NELL2: variants seen among roughly 807,000 people sequenced by gnomAD.
The protein encoded by NELL2 is neural EGFL like 2.
Under a neutral mutation model 109.6 loss-of-function variants are expected in NELL2, and 41 were observed. The ratio of observed to expected loss-of-function variants is 0.37; its 90% CI spans 0.29 to 0.49. The LOEUF is 0.49. Among genes scored for constraint, NELL2 ranks in the 20% least tolerant of loss-of-function variants. NELL2 has a pLI of 0.98. For synonymous variants in NELL2, 355 were observed against 344.7 expected (o/e 1.03, Z -0.33); for missense variants, 900 against 1,008.3 (o/e 0.89, Z 1.45).
At chr12:44,529,694 A>AT (rs1941955606) in intron 16 of NELL2, among the ~76,000 whole-genome samples, 1 of 152,224 alleles carries the variant, frequency 6.6e-6, no homozygotes, top group Non-Finnish European at 1.5e-5. Context: ...AACTGAGTCA[A>AT]ATCCCTGAGT....
chr12:44,583,769 A>G (rs922732547), intron 15 of NELL2, among the ~76,000 whole-genome samples: 3 of 151,954 alleles, frequency 2.0e-5, no homozygotes, highest in Admixed American at 6.6e-5. Context: ...ACACTTCTAT[A>G]TATTTATTTA....
intron 3 of NELL2, among the ~76,000 whole-genome samples, chr12:44,810,008 C>A (rs1053274085): frequency 2.0e-5 from 3 of 152,036 alleles, no homozygotes; most frequent in African/African-American, 7.2e-5. Flanking sequence ...TTAGTGAATT[C>A]CTCATGCTAG....
intron 3 of NELL2, among the ~76,000 whole-genome samples, chr12:44,804,914 T>A (rs1037602672): frequency 6.6e-6 from 1 of 151,908 alleles, no homozygotes; most frequent in Non-Finnish European, 1.5e-5. Flanking sequence ...ATTTAAATCC[T>A]GTGGAAGATG....
chr12:44,556,688 T>C (rs1241009423), intron 15 of NELL2, among the ~76,000 whole-genome samples: 5 of 152,166 alleles, frequency 3.3e-5, no homozygotes, highest in Non-Finnish European at 7.3e-5. Flanking sequence ...GGTATAAACA[T>C]GTTAACAAAT....
At chr12:44,801,894 G>A (rs955461665) in intron 3 of NELL2, among the ~76,000 whole-genome samples, 2 of 151,546 alleles carry the variant, frequency 1.3e-5, no homozygotes, top group African/African-American at 2.4e-5. Flanking sequence ...ACCAGGCACA[G>A]AGGATACAGA....
At chr12:44,873,835 T>G (rs2658972) in intron 2 of NELL2, among the ~76,000 whole-genome samples, 103,763 of 151,876 alleles carry the variant, frequency 0.68, 36,258 homozygotes, top group East Asian at 0.94. Flanking sequence ...TTCTTTATTA[T>G]ATTTGGTCAT....
rs201689169 is a variant in NELL2 at position 44,791,065 on chromosome 12, G to GTATA, written c.336-11047_336-11044dup. Among the ~76,000 whole-genome samples, 280 of 43,196 alleles carry GTATA rather than the reference G, an allele frequency of 6.5e-3. 13 individuals carry two copies. The highest frequency in any genetic ancestry group is 7.2e-3 in the African/African-American group (75 of 10,350). The allele number at this position is 43,196 out of a possible 152,430, so 28.3% of individuals were successfully genotyped here. On this transcript the variant is annotated intron_variant, in intron 3 of 19. Coordinates refer to ENST00000429094, the MANE Select transcript of NELL2 (RefSeq NM_001145108.2). The stretch of plus-strand genomic sequence containing the variant: ...GATAGACACCAAGAAGAAAGTTCAA[G>GTATA]TATATATATATATATACATATATAT...
At chr12:44,690,670 T>C (rs1203236482) in intron 12 of NELL2, among the ~76,000 whole-genome samples, 3 of 152,160 alleles carry the variant, frequency 2.0e-5, no homozygotes, top group Non-Finnish European at 1.5e-5. Flanking sequence ...GAATGTCACC[T>C]CTGCTAGTAA....
upstream of NELL2, among the ~76,000 whole-genome samples, chr12:44,917,549 G>A (rs1299018925): frequency 2.0e-5 from 3 of 152,172 alleles, no homozygotes; most frequent in Admixed American, 6.5e-5. Flanking sequence ...CCCACCCCTT[G>A]GTGTTCATAC....
At chr12:44,794,481 C>T (rs529656957) in intron 3 of NELL2, among the ~76,000 whole-genome samples, 106 of 151,692 alleles carry the variant, frequency 7.0e-4, no homozygotes, top group Non-Finnish European at 1.1e-3. Flanking sequence ...GCAGGTAGTA[C>T]CTCCTTGTGC....
At chr12:44,533,649 G>A (rs894482217) in intron 15 of NELL2, among the ~76,000 whole-genome samples, 1 of 152,074 alleles carries the variant, frequency 6.6e-6, no homozygotes. Flanking sequence ...AATATTGAAA[G>A]CCCTTGATTC....
At chr12:44,863,719 T>C (rs927605422) in intron 2 of NELL2, among the ~76,000 whole-genome samples, 2 of 152,124 alleles carry the variant, frequency 1.3e-5, no homozygotes, top group Non-Finnish European at 2.9e-5. Flanking sequence ...ATCTGAAATA[T>C]AAAACTCATT....
upstream of NELL2, among the ~76,000 whole-genome samples, chr12:44,879,856 C>T (rs1259663917): frequency 3.3e-5 from 5 of 151,908 alleles, no homozygotes; most frequent in Non-Finnish European, 7.4e-5. Context: ...TACTAAATGT[C>T]AAATCTCAAG....
At chr12:44,521,903 C>T (rs936907385) in intron 18 of NELL2, 97 bp downstream of exon 18, 2 of 1,212,700 alleles carry the variant, frequency 1.6e-6, no homozygotes, top group Non-Finnish European at 2.3e-6. Flanking sequence ...AACACTGTGG[C>T]CTGGTGCTAG....
At chr12:44,644,580 G>GTGTATATATATA (rs1946988839) in intron 13 of NELL2, among the ~76,000 whole-genome samples, 1 of 84,394 alleles carries the variant, frequency 1.2e-5, no homozygotes. Context: ...ACAAAGTAAA[G>GTGTATATATATA]TATATATATA....
At chr12:44,577,465 G>GTTTTTTTTTTT (rs746239984) in intron 15 of NELL2, among the ~76,000 whole-genome samples, 1 of 83,464 alleles carries the variant, frequency 1.2e-5, no homozygotes, top group African/African-American at 7.1e-5. Context: ...CAGATGAGTA[G>GTTTTTTTTTTT]TTTTTTTTTT....
intron 9 of NELL2, among the ~76,000 whole-genome samples, chr12:44,764,050 A>C (rs937581870): frequency 6.6e-6 from 1 of 152,206 alleles, no homozygotes; most frequent in Admixed American, 6.5e-5. Context: ...GACAGATGTG[A>C]TTTATTCCAC....
chr12:44,843,796 C>A (rs189624939), intron 2 of NELL2, among the ~76,000 whole-genome samples: 1 of 152,186 alleles, frequency 6.6e-6, no homozygotes, highest in African/African-American at 2.4e-5. Flanking sequence ...CCAAGACAGG[C>A]AGATTGCTTA....
At chr12:44,530,395 A>G (rs1941991572) in intron 16 of NELL2, among the ~76,000 whole-genome samples, 1 of 152,176 alleles carries the variant, frequency 6.6e-6, no homozygotes, top group South Asian at 2.1e-4. Flanking sequence ...TGTTAATTGG[A>G]AAGTTGGAAG....
Sources: allele counts gnomAD v4.1 joint callset (sites outside exome capture counted in the v4.1 genomes callset), GRCh38; gene constraint gnomAD v4.1.1; transcripts MANE v1.5; gene names NCBI Gene and HGNC (gene_info 2026-07-23, HGNC 2026-07-21).